PTPRT: variants seen among roughly 807,000 people sequenced by gnomAD.
The protein encoded by PTPRT is protein tyrosine phosphatase receptor type T.
A neutral mutation model predicts 176.8 loss-of-function variants in PTPRT; 56 were observed. The observed-to-expected ratio is 0.32, with a 90% CI of 0.26 to 0.40. The LOEUF (loss-of-function observed/expected upper bound fraction) is 0.40. Ranked by LOEUF, PTPRT falls within the 10% of genes least tolerant of loss-of-function variation. The pLI is 1.00. For synonymous variants in PTPRT, 783 were observed against 739.0 expected (o/e 1.06, Z -0.96); for missense variants, 1,540 against 1,908.2 (o/e 0.81, Z 3.60).
chr20:42,960,912 G>A (rs111237093), intron 1 of PTPRT, among the ~76,000 whole-genome samples: 21 of 152,280 alleles, frequency 1.4e-4, no homozygotes, highest in African/African-American at 4.6e-4. Context: ...CCAATATGGG[G>A]CCTAGGAAGA....
chr20:43,079,265 A>C (rs2011373288), intron 1 of PTPRT, among the ~76,000 whole-genome samples: 1 of 133,500 alleles, frequency 7.5e-6, no homozygotes, highest in East Asian at 2.3e-4. Context: ...GATAAGCACC[A>C]TTTCTGTTCT....
chr20:42,606,053 AACAG>A (rs1198984918), intron 7 of PTPRT, among the ~76,000 whole-genome samples: 3 of 152,208 alleles, frequency 2.0e-5, no homozygotes, highest in Non-Finnish European at 4.4e-5. Context: ...ATCTGCCTTT[AACAG>A]AATCGCCAGT....
chr20:42,322,021 G>A (rs573326317), intron 11 of PTPRT, among the ~76,000 whole-genome samples: 1 of 152,258 alleles, frequency 6.6e-6, no homozygotes, highest in East Asian at 1.9e-4. Context: ...GCAGTTAGCC[G>A]AGATCACGCC....
chr20:43,171,673 G>T (rs560702937), intron 1 of PTPRT, among the ~76,000 whole-genome samples: 2 of 152,208 alleles, frequency 1.3e-5, no homozygotes, highest in African/African-American at 4.8e-5. Flanking sequence ...CACCTGAAAG[G>T]GTTTAAAAAC....
chr20:42,571,055 C>T (rs911361054), intron 7 of PTPRT, among the ~76,000 whole-genome samples: 8 of 152,254 alleles, frequency 5.3e-5, no homozygotes, highest in Admixed American at 3.9e-4. Context: ...CCACACATTG[C>T]ATGTGCTGCC....
intron 1 of PTPRT, among the ~76,000 whole-genome samples, chr20:43,083,386 A>C (rs2011520259): frequency 1.5e-5 from 2 of 135,544 alleles, no homozygotes; most frequent in African/African-American, 2.7e-5. Flanking sequence ...TTTGAGACAG[A>C]GTCTCGCTCT....
intron 18 of PTPRT, among the ~76,000 whole-genome samples, chr20:42,134,205 T>C (rs957351116): frequency 2.6e-5 from 4 of 152,182 alleles, no homozygotes; most frequent in Non-Finnish European, 5.9e-5. Flanking sequence ...CACATGCACA[T>C]GGAGAAAGAT....
At chr20:42,355,376 A>G (rs193136613) in intron 9 of PTPRT, among the ~76,000 whole-genome samples, 176 of 152,320 alleles carry the variant, frequency 1.2e-3, no homozygotes, top group African/African-American at 3.9e-3. Context: ...CAAACTGCTC[A>G]TATTCAAATC....
intron 15 of PTPRT, among the ~76,000 whole-genome samples, chr20:42,233,216 C>T (rs918536152): frequency 2.6e-5 from 4 of 152,188 alleles, no homozygotes; most frequent in East Asian, 1.9e-4. Context: ...CAAACATCCA[C>T]GTCCTACCTA....
chr20:42,680,540 C>T (rs1438005262), intron 6 of PTPRT, among the ~76,000 whole-genome samples: 1 of 152,302 alleles, frequency 6.6e-6, no homozygotes, highest in East Asian at 1.9e-4. Flanking sequence ...CCATCAGTCT[C>T]CAATGAGGCC....
chr20:42,064,790 G>T, the PTPRT span, among the ~76,000 whole-genome samples: 2 of 152,154 alleles, frequency 1.3e-5, no homozygotes, highest in African/African-American at 4.8e-5. Flanking sequence ...TTTATAAAAA[G>T]AACAAGTCTA....
At chr20:42,217,645 T>C (rs985480419) in intron 15 of PTPRT, among the ~76,000 whole-genome samples, 9 of 152,158 alleles carry the variant, frequency 5.9e-5, no homozygotes, top group African/African-American at 2.2e-4. Flanking sequence ...AGATAATTAT[T>C]TGCTACGTAT....
intron 7 of PTPRT, among the ~76,000 whole-genome samples, chr20:42,638,148 G>A (rs1432514835): frequency 6.6e-6 from 1 of 152,082 alleles, no homozygotes; most frequent in Non-Finnish European, 1.5e-5. Flanking sequence ...TCTATCCATA[G>A]ATAAACACAT....
intron 9 of PTPRT, among the ~76,000 whole-genome samples, chr20:42,417,412 C>T (rs1166704417): frequency 6.6e-6 from 1 of 152,032 alleles, no homozygotes; most frequent in Non-Finnish European, 1.5e-5. Flanking sequence ...ATTTCCTGAA[C>T]ATGCCTTGTT....
chr20:42,761,388 C>T (rs2076913360), intron 5 of PTPRT, among the ~76,000 whole-genome samples: 1 of 151,444 alleles, frequency 6.6e-6, no homozygotes, highest in African/African-American at 2.4e-5. Context: ...GAGCCAAGAT[C>T]GTGCCACTGC....
chr20:42,335,528 T>C (rs2058027688), intron 11 of PTPRT, among the ~76,000 whole-genome samples: 1 of 152,130 alleles, frequency 6.6e-6, no homozygotes, highest in Non-Finnish European at 1.5e-5. Context: ...CTGAGATGTT[T>C]GAGAAATGAT....
chr20:42,423,110 T>A (rs1165319520), intron 9 of PTPRT, among the ~76,000 whole-genome samples: 1 of 138,008 alleles, frequency 7.2e-6, no homozygotes, highest in East Asian at 2.2e-4. Flanking sequence ...GCTGAATACC[T>A]GGGGGATGAA....
intron 2 of PTPRT, among the ~76,000 whole-genome samples, chr20:42,807,269 C>A (rs569075244): frequency 6.6e-6 from 1 of 152,214 alleles, no homozygotes; most frequent in East Asian, 1.9e-4. Flanking sequence ...TCTGTTTTTC[C>A]GACCATTCCT....
intron 8 of PTPRT, among the ~76,000 whole-genome samples, chr20:42,459,510 G>A (rs1276000939): frequency 1.3e-5 from 2 of 152,214 alleles, no homozygotes; most frequent in African/African-American, 4.8e-5. Flanking sequence ...CTGGGGTGCA[G>A]AGCACAGTGG....
Sources: gnomAD v4.1 joint callset for allele counts (sites outside exome capture counted in the v4.1 genomes callset) on GRCh38, gnomAD v4.1.1 for gene constraint, MANE v1.5 for transcripts, NCBI Gene and HGNC (gene_info 2026-07-23, HGNC 2026-07-21) for gene names.